OR3A2: variants seen among roughly 807,000 people sequenced by gnomAD.
OR3A2 encodes the protein olfactory receptor 3A2.
For missense variants in OR3A2, 318 were observed against 392.8 expected (o/e 0.81, Z 1.61); for synonymous variants, 126 against 159.3 (o/e 0.79, Z 1.57).
intron 1 of OR3A2, chr17:3,385,816 T>C (rs2049772574): frequency 5.0e-6 from 2 of 397,760 alleles, no homozygotes; most frequent in Admixed American, 4.4e-5. Flanking sequence ...TTTATAAACA[T>C]ATATTAAAAT....
intron 3 of OR3A2, among the ~76,000 whole-genome samples, chr17:3,322,907 G>A (rs1318344092): frequency 6.6e-6 from 1 of 152,110 alleles, no homozygotes; most frequent in Non-Finnish European, 1.5e-5. Flanking sequence ...GCAGAGCTGA[G>A]TTCAATTCCT....
chr17:3,338,310 C>T (rs1481378076), intron 2 of OR3A2, among the ~76,000 whole-genome samples: 1 of 152,024 alleles, frequency 6.6e-6, no homozygotes, highest in African/African-American at 2.4e-5. Flanking sequence ...CTTTTGTTGC[C>T]ATTGCTTTTG....
intron 1 of OR3A2, 82 bp from the exon 4 acceptor site, chr17:3,279,235 CAG>C (rs3068329): frequency 0.05 from 21,468 of 433,420 alleles, 642 homozygotes; most frequent in African/African-American, 0.077. Context: ...GTCCTCGCCA[CAG>C]GGGGGAAATG....
intron 3 of OR3A2, among the ~76,000 whole-genome samples, chr17:3,317,723 G>T (rs55694256): frequency 0.15 from 22,998 of 152,112 alleles, 2,321 homozygotes; most frequent in African/African-American, 0.28. Context: ...TGTAGAACAT[G>T]TTAAAATTTC....
chr17:3,380,539 C>A (rs79611184), intron 2 of OR3A2, among the ~76,000 whole-genome samples: 6 of 152,174 alleles, frequency 3.9e-5, no homozygotes, highest in Admixed American at 2.6e-4. Context: ...ATGCCTCCCC[C>A]ACCAGTGCTC....
At chr17:3,332,026 C>T (rs1009051570) in intron 3 of OR3A2, among the ~76,000 whole-genome samples, 14 of 152,098 alleles carry the variant, frequency 9.2e-5, no homozygotes, top group African/African-American at 3.1e-4. Context: ...TTAGGCTGCT[C>T]GGGGGTCAGG....
chr17:3,381,223 C>T (rs1761743458), intron 2 of OR3A2, among the ~76,000 whole-genome samples: 1 of 151,888 alleles, frequency 6.6e-6, no homozygotes, highest in African/African-American at 2.4e-5. Flanking sequence ...GCGTGTATCC[C>T]TGTGCACTTC....
At chr17:3,293,662 T>C (rs1031521188) in intron 3 of OR3A2, among the ~76,000 whole-genome samples, 1 of 152,096 alleles carries the variant, frequency 6.6e-6, no homozygotes, top group African/African-American at 2.4e-5. Flanking sequence ...ATGTTGCCAA[T>C]GAACATATGA....
At chr17:3,319,786 C>T (rs1166653859) in intron 3 of OR3A2, among the ~76,000 whole-genome samples, 91 of 151,760 alleles carry the variant, frequency 6.0e-4, no homozygotes, top group African/African-American at 2.0e-3. Flanking sequence ...TGTTGGACAT[C>T]TGGGTTGGTT....
At chr17:3,294,118 A>G (rs142703106) in intron 3 of OR3A2, among the ~76,000 whole-genome samples, 17 of 152,264 alleles carry the variant, frequency 1.1e-4, no homozygotes, top group Admixed American at 5.9e-4. Context: ...TTAAAAAAAT[A>G]AAATAATAAC....
intron 2 of OR3A2, among the ~76,000 whole-genome samples, chr17:3,361,404 A>C (rs377291839): frequency 1.3e-5 from 2 of 151,484 alleles, no homozygotes; most frequent in East Asian, 3.8e-4. Context: ...AATGTGCTTT[A>C]TTTCTTTCTC....
At chr17:3,382,728 A>C (rs1377462200) in intron 2 of OR3A2, among the ~76,000 whole-genome samples, 1 of 152,124 alleles carries the variant, frequency 6.6e-6, no homozygotes, top group East Asian at 1.9e-4. Flanking sequence ...TTCCACTCCC[A>C]AGCATCTGTA....
At chr17:3,336,000 C>G (rs2049272490) in intron 3 of OR3A2, 29 bp downstream of exon 2, 2 of 152,318 alleles carry the variant, frequency 1.3e-5, no homozygotes, top group Non-Finnish European at 2.9e-5. Context: ...TCACGCAACT[C>G]CTTTCATAAC....
chr17:3,355,410 CTAT>C (rs2049457956), intron 2 of OR3A2, among the ~76,000 whole-genome samples: 1 of 147,572 alleles, frequency 6.8e-6, no homozygotes, highest in Non-Finnish European at 1.5e-5. Flanking sequence ...AAGTCTCCCA[CTAT>C]TATCATGTTG....
At chr17:3,361,019 T>C (rs1371098903) in intron 2 of OR3A2, among the ~76,000 whole-genome samples, 2 of 151,506 alleles carry the variant, frequency 1.3e-5, no homozygotes, top group Non-Finnish European at 2.9e-5. Context: ...AGTATGGCCA[T>C]TTTCACGATA....
At chr17:3,343,837 A>G (rs1436752608) in intron 2 of OR3A2, among the ~76,000 whole-genome samples, 1 of 152,164 alleles carries the variant, frequency 6.6e-6, no homozygotes, top group Non-Finnish European at 1.5e-5. Flanking sequence ...CTTTGGCAGA[A>G]GATAACTCCA....
At chr17:3,281,050 G>A (rs367655306) in intron 1 of OR3A2, among the ~76,000 whole-genome samples, 1 of 151,990 alleles carries the variant, frequency 6.6e-6, no homozygotes, top group Non-Finnish European at 1.5e-5. Context: ...CTCAGCCTCT[G>A]GTGAGCACTG....
At chr17:3,312,496 T>C (rs894743924) in intron 3 of OR3A2, among the ~76,000 whole-genome samples, 6 of 152,188 alleles carry the variant, frequency 3.9e-5, no homozygotes, top group Non-Finnish European at 8.8e-5. Flanking sequence ...TGACTACTTA[T>C]TAGTAGGGAC....
At chr17:3,375,300 CTTTTTT>C (rs58991111) in intron 2 of OR3A2, among the ~76,000 whole-genome samples, 1 of 66,552 alleles carries the variant, frequency 1.5e-5, no homozygotes, top group African/African-American at 5.6e-5. Flanking sequence ...AGATTTCTTC[CTTTTTT>C]TTTTTTTTTT....
Sources: gnomAD v4.1 joint callset for allele counts (sites outside exome capture counted in the v4.1 genomes callset) on GRCh38, gnomAD v4.1.1 for gene constraint, MANE v1.5 for transcripts, NCBI Gene and HGNC (gene_info 2026-07-23, HGNC 2026-07-21) for gene names.